CSTPP1: variants seen among roughly 807,000 people sequenced by gnomAD.
CSTPP1 encodes the protein UPF0705 protein C11orf49.
At chr11:47,087,863 T>A in the CSTPP1 span, among the ~76,000 whole-genome samples, 1 of 152,194 alleles carries the variant, frequency 6.6e-6, no homozygotes, top group Admixed American at 6.5e-5. Flanking sequence ...CTGGGGTGGT[T>A]CTGGCTCAGA....
the CSTPP1 span, among the ~76,000 whole-genome samples, chr11:46,983,912 G>A: frequency 2.6e-5 from 4 of 152,174 alleles, no homozygotes; most frequent in South Asian, 2.1e-4. Flanking sequence ...TCACCCACAC[G>A]TAAAAAGAAC....
chr11:46,940,646 CACATATATACATGA>C, the CSTPP1 span, among the ~76,000 whole-genome samples: 1 of 151,682 alleles, frequency 6.6e-6, no homozygotes, highest in South Asian at 2.1e-4. Flanking sequence ...TATATATATA[CACATATATACATGA>C]ACATATATAT....
chr11:47,092,821 G>A, the CSTPP1 span, among the ~76,000 whole-genome samples: 1 of 152,064 alleles, frequency 6.6e-6, no homozygotes, highest in Non-Finnish European at 1.5e-5. Context: ...CTTTTAATCT[G>A]GAACAGACCC....
the CSTPP1 span, among the ~76,000 whole-genome samples, chr11:47,070,658 C>A: frequency 6.6e-6 from 1 of 152,134 alleles, no homozygotes; most frequent in Admixed American, 6.5e-5. Flanking sequence ...TAATCAGAAT[C>A]TTTTTGGTTG....
At chr11:47,159,802 C>G in the CSTPP1 span, 1 of 430,006 alleles carries the variant, frequency 2.3e-6, no homozygotes, top group Non-Finnish European at 4.7e-6. Context: ...GTCAGGAGTT[C>G]GAGACCAGCC....
chr11:47,155,913 T>C, the CSTPP1 span: 1 of 152,450 alleles, frequency 6.6e-6, no homozygotes, highest in Admixed American at 6.5e-5. Flanking sequence ...TGGAATCAGA[T>C]GGAATAAATA....
the CSTPP1 span, among the ~76,000 whole-genome samples, chr11:47,112,615 C>A: frequency 2.0e-5 from 3 of 152,182 alleles, no homozygotes; most frequent in African/African-American, 7.2e-5. Flanking sequence ...AGCTGCTGCG[C>A]CCAGCCTATT....
the CSTPP1 span, among the ~76,000 whole-genome samples, chr11:46,979,241 C>G: frequency 1.3e-5 from 2 of 152,130 alleles, no homozygotes; most frequent in African/African-American, 4.8e-5. Flanking sequence ...CATCACCATG[C>G]CCGGCTGCAA....
the CSTPP1 span, chr11:47,164,279 G>A: frequency 6.3e-7 from 1 of 1,599,156 alleles, no homozygotes; most frequent in Non-Finnish European, 8.5e-7. Flanking sequence ...TGGGCAGGGA[G>A]GCAGGATCCA....
the CSTPP1 span, among the ~76,000 whole-genome samples, chr11:46,963,277 T>C: frequency 7.0e-4 from 107 of 152,084 alleles, no homozygotes; most frequent in African/African-American, 2.4e-3. Flanking sequence ...CTTTATCAGG[T>C]TGAGGAAGTT....
At chr11:47,097,187 G>C in the CSTPP1 span, among the ~76,000 whole-genome samples, 1 of 125,408 alleles carries the variant, frequency 8.0e-6, no homozygotes. Flanking sequence ...CGCCCCGTCT[G>C]GGAGGTGAGG....
the CSTPP1 span, among the ~76,000 whole-genome samples, chr11:47,027,110 T>A: frequency 6.6e-6 from 1 of 152,138 alleles, no homozygotes; most frequent in Non-Finnish European, 1.5e-5. Flanking sequence ...TTCCATCCTG[T>A]ATTTCCCTGT....
At chr11:47,108,265 G>A in the CSTPP1 span, among the ~76,000 whole-genome samples, 2 of 152,232 alleles carry the variant, frequency 1.3e-5, no homozygotes, top group Non-Finnish European at 2.9e-5. Context: ...AAGCACCACA[G>A]GGAGGTACAC....
chr11:47,088,357 T>C, the CSTPP1 span, among the ~76,000 whole-genome samples: 1 of 152,196 alleles, frequency 6.6e-6, no homozygotes, highest in African/African-American at 2.4e-5. Flanking sequence ...ACATGGTCCC[T>C]ACTATGAAAC....
the CSTPP1 span, among the ~76,000 whole-genome samples, chr11:47,110,967 G>A: frequency 6.7e-6 from 1 of 150,170 alleles, no homozygotes; most frequent in Non-Finnish European, 1.5e-5. Flanking sequence ...ACGGCTCACT[G>A]CAAGCTCCGC....
chr11:47,162,507 A>G, the CSTPP1 span, among the ~76,000 whole-genome samples: 5 of 152,286 alleles, frequency 3.3e-5, no homozygotes, highest in South Asian at 1.0e-3. Flanking sequence ...CCGTGGCCAT[A>G]AAGGGTTAAT....
chr11:46,939,719 C>T, the CSTPP1 span, among the ~76,000 whole-genome samples: 1 of 151,964 alleles, frequency 6.6e-6, no homozygotes, highest in Non-Finnish European at 1.5e-5. Context: ...CCTCCATCTG[C>T]CCAGTTTCCA....
chr11:47,157,775 G>A, the CSTPP1 span: 4 of 1,592,538 alleles, frequency 2.5e-6, no homozygotes, highest in Non-Finnish European at 2.6e-6. Context: ...TGGCCCTGAG[G>A]CTGGCTAGGC....
the CSTPP1 span, among the ~76,000 whole-genome samples, chr11:47,069,175 G>A: frequency 6.6e-6 from 1 of 152,118 alleles, no homozygotes; most frequent in South Asian, 2.1e-4. Context: ...GTGGAACATG[G>A]TTTGAAAACT....
Sources: allele counts gnomAD v4.1 joint callset (sites outside exome capture counted in the v4.1 genomes callset), GRCh38; gene constraint gnomAD v4.1.1; transcripts MANE v1.5; gene names NCBI Gene and HGNC (gene_info 2026-07-23, HGNC 2026-07-21).